Variants in MVB12A observed in about 807,000 individuals in gnomAD.
MVB12A encodes CIN85/CD2AP family binding protein.
Under a neutral mutation model 34.3 loss-of-function variants are expected in MVB12A, and 30 were observed. The observed-to-expected ratio is 0.88, with a 90% CI of 0.65 to 1.19. The LOEUF (loss-of-function observed/expected upper bound fraction) is 1.19. Ranked by LOEUF, MVB12A falls within the 50% of genes most tolerant of loss-of-function variation. The pLI, the probability that MVB12A is intolerant of heterozygous loss-of-function variation, is 0.00. For missense variants in MVB12A, 355 were observed against 369.2 expected, an observed-to-expected ratio of 0.96 and a Z score of 0.31; for synonymous variants, 158 against 158.9, an observed-to-expected ratio of 0.99 and a Z score of 0.04.
At chr19:17,409,616 T>A (rs2145750769) in intron 2 of MVB12A, among the ~76,000 whole-genome samples, 1 of 144,818 alleles carries the variant, frequency 6.9e-6, no homozygotes, top group East Asian at 2.1e-4. Context: ...GCCCGGCTAA[T>A]TTTGTATTTT....
Position 17,411,531 on chromosome 19 carries a change from C to CT in MVB12A, c.-5+5242dup, listed in dbSNP as rs202164317. Among the ~76,000 whole-genome samples the CT allele has an allele frequency of 2.6e-3, 388 of 151,650 alleles. 2 individuals are homozygous for CT. The highest frequency in any genetic ancestry group is 4.2e-3 in the Non-Finnish European group (284 of 67,894). On this transcript the variant is annotated intron_variant, in intron 2 of 6. Coordinates refer to the MVB12A transcript ENST00000528604. ...GTACCACACCTGGCTAATTTTTTTACTTTTTTTGTAGAGATGGGGTCTCAC... is the reference window on the plus strand; with the variant it reads ...GTACCACACCTGGCTAATTTTTTTACTTTTTTTTGTAGAGATGGGGTCTCAC...
At chr19:17,410,577 CAT>C (rs1276220661) in intron 2 of MVB12A, among the ~76,000 whole-genome samples, 2,234 of 112,816 alleles carry the variant, frequency 0.02, 91 homozygotes, top group African/African-American at 0.062. Context: ...CATATATATA[CAT>C]ATATATATAC....
chr19:17,410,938 A>G (rs1385851779), intron 2 of MVB12A, among the ~76,000 whole-genome samples: 1 of 145,976 alleles, frequency 6.9e-6, no homozygotes, highest in African/African-American at 2.5e-5. Flanking sequence ...AAAAAAAAAA[A>G]AAAAGAAAAG....
At chr19:17,412,573 T>C (rs980095311) in intron 2 of MVB12A, among the ~76,000 whole-genome samples, 3 of 152,206 alleles carry the variant, frequency 2.0e-5, no homozygotes, top group Non-Finnish European at 4.4e-5. Flanking sequence ...AGCCAACCTC[T>C]GCTTTCTTAT....
chr19:17,423,562 C>G lies in MVB12A; in HGVS notation c.478C>G (p.Arg160Gly), dbSNP rs570541794. ...GGCCCCGAGGCCAGTGCCCAAGCCC[C>G]GAGGTCTCAGCCGGGACATGCAGGG... ...AKAPRPVPKP[R>G]GLSRDMQGLS... The change falls in exon 5 of 9, where the codon CGA becomes GGA. Residue 160 changes from arginine (R) to glycine (G), a missense_variant. Transcript: ENST00000317040. 6.2e-7 allele frequency: 1 copy of G among 1,614,078 alleles called. No homozygotes were observed. Among genetic ancestry groups the G allele is most frequent in the Non-Finnish European group, 8.5e-7 (1 of 1,180,020 alleles).
upstream of MVB12A, among the ~76,000 whole-genome samples, chr19:17,415,918 T>G (rs1427342777): frequency 6.6e-6 from 1 of 152,198 alleles, no homozygotes; most frequent in Non-Finnish European, 1.5e-5. Flanking sequence ...ACCCAACTGA[T>G]GAAATCACCA....
upstream of MVB12A, chr19:17,418,868 C>A (rs570415543): frequency 2.9e-5 from 3 of 102,284 alleles, no homozygotes; most frequent in Non-Finnish European, 5.7e-5. Context: ...TGGGAAAGTT[C>A]TCTTTCTTAT....
intron 2 of MVB12A, among the ~76,000 whole-genome samples, chr19:17,411,704 C>T (rs2074770359): frequency 6.6e-6 from 1 of 151,648 alleles, no homozygotes; most frequent in Admixed American, 6.6e-5. Context: ...GTATGTTGCC[C>T]AGGCTGGTCT....
In MVB12A at chr19:17,410,650, T is replaced by C. The variant is rs1056798996; in HGVS notation, c.-5+4354T>C. On this transcript the variant is annotated intron_variant, in intron 2 of 6. Transcript: ENST00000528604. The stretch of plus-strand genomic sequence containing the variant: ...TTATTATTTTAGAGAAACATTTCAG[T>C]TGGGAGCAGTGGTTCATGCCTGTAA... Among the ~76,000 whole-genome samples, 32 of 144,898 alleles carry C rather than the reference T, an allele frequency of 2.2e-4. 1 individual carries two copies. The highest frequency in any genetic ancestry group is 1.2e-3 in the Admixed American group (17 of 14,272).
intron 2 of MVB12A, among the ~76,000 whole-genome samples, chr19:17,407,043 G>A (rs1032300679): frequency 3.3e-5 from 5 of 152,132 alleles, no homozygotes; most frequent in Admixed American, 2.0e-4. Context: ...GGACCAGGTC[G>A]GAAATCACAA....
chr19:17,420,022 C>CA (rs1599606018), upstream of MVB12A: 4 of 462,260 alleles, frequency 8.7e-6, no homozygotes, highest in African/African-American at 2.2e-5. Flanking sequence ...TCCGCCCCCC[C>CA]CCCCCGCATG....
chr19:17,407,247 G>A (rs1013766108), intron 2 of MVB12A, among the ~76,000 whole-genome samples: 1 of 152,104 alleles, frequency 6.6e-6, no homozygotes, highest in Non-Finnish European at 1.5e-5. Flanking sequence ...TTACTGTAGG[G>A]ACCAGCCCCA....
At chr19:17,420,027 C>CG, upstream of MVB12A, 1 of 504,518 alleles carries the variant, frequency 2.0e-6, no homozygotes, top group Non-Finnish European at 3.0e-6. Context: ...CCCCCCCCCC[C>CG]GCATGGCCTT....
At chr19:17,413,743 T>C (rs1219466055) in intron 2 of MVB12A, among the ~76,000 whole-genome samples, 2 of 152,158 alleles carry the variant, frequency 1.3e-5, no homozygotes, top group Non-Finnish European at 2.9e-5. Context: ...AACAACAACT[T>C]TTCCTTTGGC....
chr19:17,410,529 T>TATATACACAC, intron 2 of MVB12A, among the ~76,000 whole-genome samples: 1 of 74,480 alleles, frequency 1.3e-5, no homozygotes, highest in African/African-American at 6.6e-5. Flanking sequence ...TATATATATA[T>TATATACACAC]ACACACACAC....
At position 17,422,475 on chromosome 19, in the gene MVB12A, G is replaced by A. The variant is rs774810315; in HGVS notation, c.413+17G>A. 1.1e-5 allele frequency: 18 copies of A among 1,597,078 alleles called. No individual in the cohort carries two copies. The highest frequency in any genetic ancestry group is 1.5e-5 in the Non-Finnish European group (18 of 1,169,790). On this transcript the variant is annotated intron_variant, in intron 4 of 8. Transcript: ENST00000317040. ...TCGAATAGGGTAGGGCCACCCCCCA[G>A]TGTCTAGCCACCTTCCCTGCCCTCC... is the stretch of plus-strand genomic sequence containing the variant.
upstream of MVB12A, chr19:17,417,018 C>A: frequency 2.9e-6 from 1 of 348,356 alleles, no homozygotes; most frequent in Non-Finnish European, 5.7e-6. Flanking sequence ...ATCCATTGTC[C>A]TCCTCCTCTT....
At chr19:17,420,492 G>A (rs1300097455) in intron 2 of MVB12A, 46 bp from the exon 3 acceptor site, 1 of 1,586,618 alleles carries the variant, frequency 6.3e-7, no homozygotes, top group Non-Finnish European at 8.7e-7. Flanking sequence ...CAGGTGCGCT[G>A]TCCCCGCTGC....
At chr19:17,406,804 C>A (rs1041468822) in intron 2 of MVB12A, among the ~76,000 whole-genome samples, 1 of 152,116 alleles carries the variant, frequency 6.6e-6, no homozygotes, top group Non-Finnish European at 1.5e-5. Context: ...AGTGGGATCC[C>A]ATCTCTTAAA....
Sources: gnomAD v4.1 joint callset for allele counts (sites outside exome capture counted in the v4.1 genomes callset) on GRCh38, gnomAD v4.1.1 for gene constraint, MANE v1.5 for transcripts, NCBI Gene and HGNC (gene_info 2026-07-23, HGNC 2026-07-21) for gene names.